The following DOCK2 variants were observed in gnomAD, a reference collection of about 807,000 sequenced individuals.
The protein encoded by DOCK2 is dedicator of cytokinesis protein 2.
DOCK2 carries 87 observed loss-of-function variants against 248.9 expected under a neutral mutation model. That is an observed-to-expected ratio of 0.35 (90% CI 0.29 to 0.42). The LOEUF (loss-of-function observed/expected upper bound fraction) is 0.42. Ranked by LOEUF, DOCK2 falls within the 10% of genes least tolerant of loss-of-function variation. The pLI, the probability that DOCK2 is intolerant of heterozygous loss-of-function variation, is 1.00. For synonymous variants in DOCK2, 805 were observed against 821.6 expected (o/e 0.98, Z 0.35); for missense variants, 1,747 against 2,300.2 (o/e 0.76, Z 4.92).
intron 27 of DOCK2, among the ~76,000 whole-genome samples, chr5:169,946,765 G>A (rs1776467427): frequency 6.6e-6 from 1 of 152,218 alleles, no homozygotes; most frequent in Non-Finnish European, 1.5e-5. Context: ...AAGTCACACA[G>A]TAGGATCCTG....
chr5:169,871,146 C>T (rs1276944470), intron 27 of DOCK2, among the ~76,000 whole-genome samples: 1 of 152,160 alleles, frequency 6.6e-6, no homozygotes, highest in Non-Finnish European at 1.5e-5. Context: ...GTTTCTACCT[C>T]CAAATATCAT....
intron 23 of DOCK2, among the ~76,000 whole-genome samples, chr5:169,754,229 T>C (rs1016529113): frequency 6.6e-6 from 1 of 152,212 alleles, no homozygotes; most frequent in African/African-American, 2.4e-5. Flanking sequence ...TGATTTTTGT[T>C]GTTATGTTTA....
At chr5:169,904,025 A>T (rs1337882410) in intron 27 of DOCK2, among the ~76,000 whole-genome samples, 2 of 148,358 alleles carry the variant, frequency 1.3e-5, no homozygotes, top group African/African-American at 5.0e-5. Flanking sequence ...CCTGGGAGGC[A>T]GAGGTTGCAG....
intron 23 of DOCK2, among the ~76,000 whole-genome samples, chr5:169,749,082 G>C (rs1763767309): frequency 6.6e-6 from 1 of 152,206 alleles, no homozygotes; most frequent in Non-Finnish European, 1.5e-5. Context: ...TCACCCCTCT[G>C]CCCTCATCAC....
In DOCK2 at chr5:169,915,104, C is replaced by T. The variant is rs370261444; in HGVS notation, c.2800-67964C>T. ...AATTCTAGGCCTTGATGTTGAGGCC[C>T]CACTACTTGAAAATTTCAAGAGATT... On this transcript the variant is annotated intron_variant, in intron 27 of 51. Transcript: ENST00000520908. Among the ~76,000 whole-genome samples the T allele has an allele frequency of 5.0e-4, 76 of 152,264 alleles. 1 individual carries two copies. In the South Asian group the frequency reaches 0.013, roughly 27 times the overall value.
chr5:169,867,415 G>A (rs1489555808), intron 27 of DOCK2, among the ~76,000 whole-genome samples: 3 of 93,008 alleles, frequency 3.2e-5, no homozygotes, highest in Non-Finnish European at 6.0e-5. Context: ...CTCTCTGTCT[G>A]TCTGTCTGTC....
intron 50 of DOCK2, 129 bp from the exon 51 acceptor site, chr5:170,081,713 G>A: frequency 9.2e-7 from 1 of 1,084,930 alleles, no homozygotes; most frequent in Non-Finnish European, 1.3e-6. Context: ...CCTGCCTCCT[G>A]CTTGGCACAT....
At chr5:170,002,540 T>C (rs1159633978) in intron 30 of DOCK2, among the ~76,000 whole-genome samples, 4 of 152,206 alleles carry the variant, frequency 2.6e-5, no homozygotes, top group Admixed American at 1.3e-4. Flanking sequence ...GGATGGAAAA[T>C]AACTTTCTCC....
At chr5:169,820,190 G>T (rs552762220) in intron 26 of DOCK2, among the ~76,000 whole-genome samples, 2 of 152,220 alleles carry the variant, frequency 1.3e-5, no homozygotes, top group African/African-American at 4.8e-5. Context: ...CTGCACCTCT[G>T]GGGGCAAGGC....
rs144466698 is a variant in DOCK2 at position 169,735,951 on chromosome 5, GGAGA to G, written c.2268-11427_2268-11424del. On this transcript the variant is annotated intron_variant, in intron 22 of 51. Coordinates refer to ENST00000520908, the MANE Select transcript of DOCK2 (RefSeq NM_004946.3). ...TAGCATGGCAGAGCAGGGGGGAGAGGGAGAGAGAGAGAGAGAGAGAGGGAGAGAG... is the reference window on the plus strand; with the variant it reads ...TAGCATGGCAGAGCAGGGGGGAGAGGGAGAGAGAGAGAGAGAGGGAGAGAG... 8.9e-5 allele frequency among the ~76,000 whole-genome samples: 13 copies of G among 146,768 alleles called. 1 individual carries two copies. Among genetic ancestry groups the G allele is most frequent in the South Asian group, 2.2e-4 (1 of 4,640 alleles).
intron 27 of DOCK2, among the ~76,000 whole-genome samples, chr5:169,857,570 G>A (rs1447167733): frequency 6.6e-6 from 1 of 152,056 alleles, no homozygotes; most frequent in Non-Finnish European, 1.5e-5. Context: ...CTCACCTCAG[G>A]AGAGTTAGAA....
At chr5:170,040,991 GT>G in intron 36 of DOCK2, 63 bp from the exon 37 acceptor site, 2 of 1,450,542 alleles carry the variant, frequency 1.4e-6, no homozygotes, top group South Asian at 2.3e-5. Flanking sequence ...GCTCCTGCTT[GT>G]CCCTGCCAGG....
At chr5:169,738,434 A>G (rs1375629561) in intron 22 of DOCK2, among the ~76,000 whole-genome samples, 1 of 152,154 alleles carries the variant, frequency 6.6e-6, no homozygotes, top group Non-Finnish European at 1.5e-5. Context: ...GGTGGAATTA[A>G]TGGGTCTTGA....
chr5:169,817,673 C>A (rs1042040523), intron 26 of DOCK2, among the ~76,000 whole-genome samples: 15 of 152,218 alleles, frequency 9.9e-5, no homozygotes, highest in African/African-American at 3.4e-4. Context: ...CATGTGTCCA[C>A]CCCTGTCTCT....
chr5:170,012,113 T>A (rs1460055983), intron 32 of DOCK2, among the ~76,000 whole-genome samples: 1 of 152,192 alleles, frequency 6.6e-6, no homozygotes, highest in African/African-American at 2.4e-5. Flanking sequence ...GTGACTGAAT[T>A]GAGGCTAAAA....
At chr5:169,950,799 C>T (rs1241750044) in intron 27 of DOCK2, among the ~76,000 whole-genome samples, 1 of 152,178 alleles carries the variant, frequency 6.6e-6, no homozygotes, top group African/African-American at 2.4e-5. Flanking sequence ...TGTGATGAAC[C>T]ACCAGCTTCA....
intron 25 of DOCK2, among the ~76,000 whole-genome samples, chr5:169,785,529 A>G (rs1182254931): frequency 6.6e-6 from 1 of 152,232 alleles, no homozygotes; most frequent in Non-Finnish European, 1.5e-5. Flanking sequence ...TATTTCTTTC[A>G]TCTATAATTT....
chr5:169,935,406 C>G (rs1164347660), intron 27 of DOCK2, among the ~76,000 whole-genome samples: 1 of 152,194 alleles, frequency 6.6e-6, no homozygotes, highest in Non-Finnish European at 1.5e-5. Context: ...AGCTTTCTTT[C>G]TCTTCTTGTG....
rs776738762 is a variant in DOCK2 at position 170,018,810 on chromosome 5, C to T, written c.3233-150C>T. 61 of 1,000,614 alleles carry T rather than the reference C, an allele frequency of 6.1e-5. 1 individual carries two copies. Among genetic ancestry groups the T allele is most frequent in the Non-Finnish European group, 8.6e-5 (59 of 684,890 alleles). The allele number at this position is 1,000,614 out of a possible 1,614,324, so 62.0% of individuals were successfully genotyped here. On this transcript the variant is annotated intron_variant, in intron 32 of 51. Transcript: ENST00000520908. ...GTTAATATATGTTAAGTGTTCAAAA[C>T]GGTGCCTGGCTCATGGTAAACAACT...
Sources: gnomAD v4.1 joint callset for allele counts (sites outside exome capture counted in the v4.1 genomes callset) on GRCh38, gnomAD v4.1.1 for gene constraint, MANE v1.5 for transcripts, NCBI Gene and HGNC (gene_info 2026-07-23, HGNC 2026-07-21) for gene names.